ZNF423: variants seen among roughly 807,000 people sequenced by gnomAD.
The protein encoded by ZNF423 is Ebf-associated zinc finger protein.
ZNF423 carries 12 observed loss-of-function variants against 95.8 expected under a neutral mutation model. The observed-to-expected ratio is 0.13, with a 90% confidence interval of 0.08 to 0.20. The LOEUF (loss-of-function observed/expected upper bound fraction) is 0.20. Among genes scored for constraint, ZNF423 ranks in the 10% least tolerant of loss-of-function variants. ZNF423 has a pLI of 1.00. For missense variants in ZNF423, 1,316 were observed against 1,737.1 expected (o/e 0.76, Z 4.31); for synonymous variants, 749 against 711.9 (o/e 1.05, Z -0.83).
chr16:49,835,036 G>GT (rs982430558), intron 1 of ZNF423, among the ~76,000 whole-genome samples: 1 of 152,030 alleles, frequency 6.6e-6, no homozygotes, highest in Admixed American at 6.5e-5. Flanking sequence ...CTTGGGGGGA[G>GT]TCTCAGAATC....
At chr16:49,819,674 C>G (rs938584429) in intron 1 of ZNF423, among the ~76,000 whole-genome samples, 3 of 152,130 alleles carry the variant, frequency 2.0e-5, no homozygotes, top group African/African-American at 7.2e-5. Flanking sequence ...GTCTCAAACT[C>G]CTGACCTCAG....
intron 1 of ZNF423, among the ~76,000 whole-genome samples, chr16:49,815,879 A>AT (rs1242083298): frequency 8.2e-4 from 49 of 59,568 alleles, no homozygotes; most frequent in East Asian, 5.1e-3. Flanking sequence ...ACAAAAAAAA[A>AT]AAATATATAT....
chr16:49,614,072 G>T (rs889297611), intron 5 of ZNF423, among the ~76,000 whole-genome samples: 1 of 152,160 alleles, frequency 6.6e-6, no homozygotes, highest in African/African-American at 2.4e-5. Flanking sequence ...CTAGTACTTA[G>T]AATACATAAA....
At chr16:49,838,140 C>A (rs113004023) in intron 1 of ZNF423, among the ~76,000 whole-genome samples, 1 of 152,208 alleles carries the variant, frequency 6.6e-6, no homozygotes, top group Non-Finnish European at 1.5e-5. Flanking sequence ...AATCTGTGTG[C>A]CAATCTTCAT....
intron 5 of ZNF423, among the ~76,000 whole-genome samples, chr16:49,561,276 T>A (rs1970008106): frequency 6.6e-6 from 1 of 152,190 alleles, no homozygotes; most frequent in Non-Finnish European, 1.5e-5. Flanking sequence ...GGCTACAAAA[T>A]CAAAATTCTG....
chr16:49,638,339 G>A lies in ZNF423; in HGVS notation c.837C>T (p.Thr279=), dbSNP rs746914390. The change falls in exon 4 of 8, where the codon ACC becomes ACT. Residue 279 remains threonine (T), a synonymous_variant. Transcript: ENST00000563137. The surrounding 1 kb of genome is among the most constrained non-coding windows in gnomAD (Gnocchi z 5.6). ...DDFMCDYCED[T]FSQTEELEKH... ...TCTCCAGCTCCTCCGTCTGGCTGAAGGTGTCCTCGCAGTAGTCGCACATGA... is the reference window on the plus strand; with the variant it reads ...TCTCCAGCTCCTCCGTCTGGCTGAAAGTGTCCTCGCAGTAGTCGCACATGA... The A allele has an allele frequency of 5.0e-6, 8 of 1,614,112 alleles. No individual in the cohort carries two copies. Among genetic ancestry groups the A allele is most frequent in the Non-Finnish European group, 6.8e-6 (8 of 1,180,052 alleles).
intron 5 of ZNF423, among the ~76,000 whole-genome samples, chr16:49,620,425 T>C (rs1596727590): frequency 1.3e-5 from 2 of 152,096 alleles, no homozygotes; most frequent in Admixed American, 1.3e-4. Context: ...TCCTCCCCCA[T>C]GTATTTGCCC....
intron 7 of ZNF423, among the ~76,000 whole-genome samples, chr16:49,514,376 T>C (rs942019678): frequency 3.9e-5 from 6 of 152,124 alleles, no homozygotes; most frequent in Admixed American, 3.9e-4. Context: ...GTCAGCTCCA[T>C]GAGAATAGAA....
intron 2 of ZNF423, among the ~76,000 whole-genome samples, chr16:49,732,022 T>A (rs2033181495): frequency 6.6e-6 from 1 of 152,210 alleles, no homozygotes; most frequent in Non-Finnish European, 1.5e-5. Context: ...AAAGCCACCA[T>A]TATATATGCA....
intron 3 of ZNF423, among the ~76,000 whole-genome samples, chr16:49,648,405 G>T (rs1196277241): frequency 6.6e-6 from 1 of 151,278 alleles, no homozygotes; most frequent in East Asian, 1.9e-4. Context: ...ACTTTGGGAG[G>T]CTGAGGCAGG....
At chr16:49,735,670 C>T (rs1210348517) in intron 2 of ZNF423, among the ~76,000 whole-genome samples, 1 of 152,116 alleles carries the variant, frequency 6.6e-6, no homozygotes, top group African/African-American at 2.4e-5. Flanking sequence ...GGGACACTCC[C>T]CCTTCAAGCC....
At chr16:49,844,203 GC>G (rs1171853773) in intron 1 of ZNF423, among the ~76,000 whole-genome samples, 1 of 151,786 alleles carries the variant, frequency 6.6e-6, no homozygotes, top group East Asian at 1.9e-4. Context: ...GATAGCTTGA[GC>G]CCAGGAGTTT....
At chr16:49,770,349 G>T (rs890959228) in intron 2 of ZNF423, among the ~76,000 whole-genome samples, 1 of 152,168 alleles carries the variant, frequency 6.6e-6, no homozygotes, top group Admixed American at 6.5e-5. Flanking sequence ...ACATTAAGTA[G>T]AACTTCCTGG....
intron 1 of ZNF423, among the ~76,000 whole-genome samples, chr16:49,805,458 G>A (rs369339783): frequency 3.3e-5 from 5 of 152,220 alleles, no homozygotes; most frequent in Admixed American, 1.3e-4. Context: ...TGGAAGCAGA[G>A]GGAGATGGAG....
chr16:49,638,916 G>T lies in ZNF423; in HGVS notation c.302-42C>A. 6.4e-7 allele frequency: 1 copy of T among 1,552,284 alleles called. No individual in the cohort carries two copies. ...AGAGGATATTAGAGGCAATTCCCAG[G>T]GCTGCCGAGAAACAAGGACAGAGCC... On this transcript the variant is annotated intron_variant, in intron 3 of 7. Transcript: ENST00000563137. This position sits in a 1 kb window ranked among gnomAD's most constrained non-coding sequence, Gnocchi z 5.6.
intron 1 of ZNF423, among the ~76,000 whole-genome samples, chr16:49,808,254 G>A (rs1405178578): frequency 6.6e-6 from 1 of 151,862 alleles, no homozygotes; most frequent in African/African-American, 2.4e-5. Flanking sequence ...TAGAGACAGG[G>A]TTTTACCATG....
chr16:49,707,839 G>A (rs1003704993), intron 3 of ZNF423, among the ~76,000 whole-genome samples: 1 of 151,906 alleles, frequency 6.6e-6, no homozygotes, highest in Non-Finnish European at 1.5e-5. Context: ...TTGAGACAGA[G>A]TTTAGCTCTG....
At chr16:49,731,439 G>T in intron 2 of ZNF423, 1 of 913,456 alleles carries the variant, frequency 1.1e-6, no homozygotes, top group Non-Finnish European at 1.3e-6. Flanking sequence ...CGTTGGCTCA[G>T]TTCTTTGCAA....
At position 49,492,280 on chromosome 16, in the gene ZNF423, G is replaced by C. The variant is rs1967000710; in HGVS notation, c.3850-976C>G. 7.2e-6 allele frequency among the ~76,000 whole-genome samples: 1 copy of C among 138,786 alleles called. No individual in the cohort carries two copies. The highest frequency in any genetic ancestry group is 2.9e-5 in the African/African-American group (1 of 34,736). The allele number at this position is 138,786 out of a possible 152,430, so 91.0% of individuals were successfully genotyped here. On this transcript the variant is annotated intron_variant, in intron 7 of 7. Coordinates refer to ENST00000563137, the MANE Select transcript of ZNF423 (RefSeq NM_001379286.1). This position sits in a 1 kb window ranked among gnomAD's most constrained non-coding sequence, Gnocchi z 4.2. ...AGGAGGCAACATCCACCAGGTGTAG[G>C]GTGGCCCTGTTTGGGGCCGCACAGG... is the stretch of plus-strand genomic sequence containing the variant.
Sources: gnomAD v4.1 joint callset for allele counts (sites outside exome capture counted in the v4.1 genomes callset) on GRCh38, gnomAD v4.1.1 for gene constraint, Gnocchi (gnomAD v3.1) non-coding constraint, MANE v1.5 for transcripts, NCBI Gene and HGNC (gene_info 2026-07-23, HGNC 2026-07-21) for gene names.